DLGAP2: variants seen among roughly 807,000 people sequenced by gnomAD.
DLGAP2 encodes disks large-associated protein 2.
A neutral mutation model predicts 100.3 loss-of-function variants in DLGAP2; 26 were observed. The ratio of observed to expected loss-of-function variants is 0.26; its 90% CI spans 0.19 to 0.36. The LOEUF (loss-of-function observed/expected upper bound fraction) is 0.36, where lower values mean the gene tolerates loss of function less well. Ranked by LOEUF, DLGAP2 falls within the 10% of genes least tolerant of loss-of-function variation. DLGAP2 has a pLI of 1.00. For synonymous variants in DLGAP2, 886 were observed against 630.1 expected (o/e 1.41, Z -6.08); for missense variants, 1,858 against 1,453.2 (o/e 1.28, Z -4.53).
intron 4 of DLGAP2, among the ~76,000 whole-genome samples, chr8:1,515,355 G>A (rs1332562486): frequency 1.3e-5 from 2 of 152,222 alleles, no homozygotes; most frequent in African/African-American, 4.8e-5. Flanking sequence ...CCTTAAGACA[G>A]ACAGGGCAGT....
At chr8:853,635 G>A (rs959970528) in intron 1 of DLGAP2, among the ~76,000 whole-genome samples, 33 of 152,182 alleles carry the variant, frequency 2.2e-4, no homozygotes, top group Admixed American at 3.3e-4. Flanking sequence ...GGCCAGCCTC[G>A]CAAGCAGCCG....
chr8:1,560,526 A>G (rs993889748), intron 5 of DLGAP2, among the ~76,000 whole-genome samples: 7 of 152,090 alleles, frequency 4.6e-5, no homozygotes, highest in Non-Finnish European at 7.4e-5. Context: ...CCAGTCCCTG[A>G]CCCTGGGCTG....
At chr8:1,527,654 A>T (rs1800838426) in intron 4 of DLGAP2, among the ~76,000 whole-genome samples, 1 of 152,198 alleles carries the variant, frequency 6.6e-6, no homozygotes, top group Non-Finnish European at 1.5e-5. Flanking sequence ...TCTATGTGGG[A>T]ACGGAACGGA....
At chr8:979,852 C>T (rs1191189072) in intron 2 of DLGAP2, among the ~76,000 whole-genome samples, 2 of 152,218 alleles carry the variant, frequency 1.3e-5, no homozygotes, top group African/African-American at 2.4e-5. Context: ...CTTGGACACT[C>T]AGTCCTTTGG....
chr8:1,167,881 T>G (rs1382570527), intron 2 of DLGAP2, among the ~76,000 whole-genome samples: 1 of 144,868 alleles, frequency 6.9e-6, no homozygotes, highest in African/African-American at 2.5e-5. Flanking sequence ...TTAACCTGAG[T>G]CCATTTTTTT....
intron 1 of DLGAP2, among the ~76,000 whole-genome samples, chr8:744,035 A>G (rs1820552147): frequency 6.6e-6 from 1 of 152,212 alleles, no homozygotes; most frequent in African/African-American, 2.4e-5. Flanking sequence ...CTTTGCATCT[A>G]AATGCCCAGA....
At chr8:1,038,901 C>T (rs1310107763) in intron 2 of DLGAP2, among the ~76,000 whole-genome samples, 1 of 152,178 alleles carries the variant, frequency 6.6e-6, no homozygotes, top group East Asian at 1.9e-4. Context: ...AACTATTTGT[C>T]AGTTTCTCGG....
chr8:1,137,083 A>G (rs1796430244), intron 2 of DLGAP2, among the ~76,000 whole-genome samples: 1 of 152,202 alleles, frequency 6.6e-6, no homozygotes, highest in Non-Finnish European at 1.5e-5. Context: ...AGTCGAGGAC[A>G]AGGGGCCCAT....
chr8:1,309,219 T>C lies in DLGAP2; in HGVS notation c.106+50336T>C, dbSNP rs541939942. The stretch of plus-strand genomic sequence containing the variant: ...AATAAAAGCCAAAAACATCCAAAAT[T>C]TGAGGAAAGATGTGAATATACAAAT... On this transcript the variant is annotated intron_variant, in intron 3 of 14. Coordinates refer to ENST00000637795, the MANE Select transcript of DLGAP2 (RefSeq NM_001346810.2). Among the ~76,000 whole-genome samples, 3 of 152,180 alleles carry C rather than the reference T, an allele frequency of 2.0e-5. No homozygotes were observed. The East Asian group carries it at 5.8e-4, about 29-fold the overall frequency.
chr8:1,005,933 C>A lies in DLGAP2; in HGVS notation c.73+97967C>A, dbSNP rs753913561. ...GATCAAAGAAATCTCACACCCTGGT[C>A]TGGCGCGGTGGCTCACGTCTGCTGA... On this transcript the variant is annotated intron_variant, in intron 2 of 14. Coordinates refer to ENST00000637795, the MANE Select transcript of DLGAP2 (RefSeq NM_001346810.2). Among the ~76,000 whole-genome samples the A allele has an allele frequency of 2.6e-5, 4 of 152,290 alleles. No homozygotes were observed. In the East Asian group the frequency reaches 7.7e-4, roughly 29 times the overall value.
chr8:1,527,474 TCA>T (rs1001769737), intron 4 of DLGAP2, among the ~76,000 whole-genome samples: 56 of 152,370 alleles, frequency 3.7e-4, no homozygotes, highest in African/African-American at 1.3e-3. Flanking sequence ...AATTAGTGTC[TCA>T]CACAGCAGCT....
intron 2 of DLGAP2, among the ~76,000 whole-genome samples, chr8:1,130,282 G>A (rs1397777656): frequency 6.6e-6 from 1 of 152,120 alleles, no homozygotes; most frequent in Non-Finnish European, 1.5e-5. Flanking sequence ...TTGGATTGAT[G>A]GGAAGTTTAG....
chr8:766,825 A>G lies in DLGAP2; in HGVS notation c.18+29000A>G, dbSNP rs917507493. The stretch of plus-strand genomic sequence containing the variant: ...CTGTGTCCATCCTGAGGCTCGGCCA[A>G]AAGTGGTCTAAGAGCTGCTTATTCT... On this transcript the variant is annotated intron_variant, in intron 1 of 14. Coordinates refer to ENST00000637795, the MANE Select transcript of DLGAP2 (RefSeq NM_001346810.2). Among the ~76,000 whole-genome samples the G allele has an allele frequency of 4.6e-5, 7 of 152,174 alleles. No individual in the cohort carries two copies. In the South Asian group the frequency reaches 1.5e-3, roughly 32 times the overall value.
chr8:1,124,461 T>C (rs1796121116), intron 2 of DLGAP2, among the ~76,000 whole-genome samples: 3 of 152,222 alleles, frequency 2.0e-5, no homozygotes, highest in African/African-American at 7.2e-5. Flanking sequence ...AAGCTACATT[T>C]AGCCACCATG....
intron 1 of DLGAP2, among the ~76,000 whole-genome samples, chr8:765,789 A>G (rs1160393178): frequency 6.6e-6 from 1 of 152,082 alleles, no homozygotes; most frequent in Admixed American, 6.6e-5. Context: ...ATGCATGTAC[A>G]CAGACACACA....
chr8:1,539,555 G>A (rs1193794415), intron 4 of DLGAP2, among the ~76,000 whole-genome samples: 1 of 152,054 alleles, frequency 6.6e-6, no homozygotes, highest in Non-Finnish European at 1.5e-5. Flanking sequence ...GCCTTGCCAG[G>A]GTCCCGCACC....
At chr8:1,079,693 A>G (rs1803737697) in intron 2 of DLGAP2, among the ~76,000 whole-genome samples, 1 of 152,200 alleles carries the variant, frequency 6.6e-6, no homozygotes, top group African/African-American at 2.4e-5. Flanking sequence ...TGATTCATAG[A>G]TTGGACGAGG....
At chr8:763,416 G>A (rs1821136077) in intron 1 of DLGAP2, among the ~76,000 whole-genome samples, 1 of 152,232 alleles carries the variant, frequency 6.6e-6, no homozygotes, top group Non-Finnish European at 1.5e-5. Context: ...GAGCTTCACT[G>A]TTGCTGCCGT....
intron 1 of DLGAP2, among the ~76,000 whole-genome samples, chr8:831,279 AGG>A: frequency 6.7e-6 from 1 of 148,204 alleles, no homozygotes; most frequent in Non-Finnish European, 1.5e-5. Context: ...TTTGTTACAT[AGG>A]TATATACATG....
Sources: gnomAD v4.1 joint callset for allele counts (sites outside exome capture counted in the v4.1 genomes callset) on GRCh38, gnomAD v4.1.1 for gene constraint, MANE v1.5 for transcripts, NCBI Gene and HGNC (gene_info 2026-07-23, HGNC 2026-07-21) for gene names.